SPATA33: variants seen among roughly 807,000 people sequenced by gnomAD.
SPATA33 encodes spermatogenesis associated 33, also known as spermatogenesis-associated protein 33.
In SPATA33, 10 loss-of-function variants were observed where a neutral mutation model predicts 8.9. The observed-to-expected ratio is 1.12, with a 90% CI of 0.69 to 1.90. The LOEUF is 1.90. Ranked by LOEUF, SPATA33 falls within the 40% of genes most tolerant of loss-of-function variation. SPATA33 has a pLI of 0.00. For missense variants in SPATA33, 241 were observed against 178.3 expected (o/e 1.35, Z -2.00); for synonymous variants, 96 against 72.8 (o/e 1.32, Z -1.63).
At chr16:89,668,668 G>T (rs1299164080) in intron 2 of SPATA33, among the ~76,000 whole-genome samples, 1 of 151,920 alleles carries the variant, frequency 6.6e-6, no homozygotes, top group Non-Finnish European at 1.5e-5. Context: ...CTCCACGAAG[G>T]GGGTGGGCGG....
intron 2 of SPATA33, chr16:89,660,723 C>A: frequency 2.6e-6 from 2 of 759,454 alleles, no homozygotes; most frequent in Non-Finnish European, 3.6e-6. Context: ...GGTTGCTGGG[C>A]AGAAATGGGA....
At chr16:89,662,446 C>T (rs1378519224) in intron 2 of SPATA33, among the ~76,000 whole-genome samples, 18 of 147,186 alleles carry the variant, frequency 1.2e-4, no homozygotes, top group Non-Finnish European at 1.3e-4. Context: ...AATGGAGTTT[C>T]CTTCTTGTTG....
chr16:89,661,564 T>C (rs1022465264), intron 2 of SPATA33: 5 of 152,210 alleles, frequency 3.3e-5, no homozygotes. Flanking sequence ...TACAGATAGA[T>C]GTATTATACT....
In SPATA33 at chr16:89,669,279, C is replaced by A. The variant is rs764196545; in HGVS notation, c.212-7C>A. 1.2e-6 allele frequency: 2 copies of A among 1,613,860 alleles called. No individual in the cohort carries two copies. The highest frequency in any genetic ancestry group is 2.2e-5 in the East Asian group (1 of 44,896). On this transcript the variant is annotated splice_region_variant and splice_polypyrimidine_tract_variant and intron_variant, in intron 2 of 2. Transcript: ENST00000579310. ...TCTACTAAATGCCTGGATGTTTTTT[C>A]CTCTAGAGAAACCTGATGTAAAGCA... is the stretch of plus-strand genomic sequence containing the variant.
At chr16:89,667,797 G>C (rs1034311686) in intron 2 of SPATA33, among the ~76,000 whole-genome samples, 1 of 152,240 alleles carries the variant, frequency 6.6e-6, no homozygotes, top group African/African-American at 2.4e-5. Context: ...CGTCTGACTA[G>C]CCTTAGGCAG....
intron 2 of SPATA33, among the ~76,000 whole-genome samples, chr16:89,666,943 C>T (rs2060034132): frequency 1.3e-5 from 2 of 152,188 alleles, no homozygotes; most frequent in Admixed American, 1.3e-4. Flanking sequence ...CAGGATGGAA[C>T]ATGAAGGTGG....
chr16:89,658,294 G>A lies in SPATA33; in HGVS notation c.84G>A (p.Lys28=). 1 of 1,614,182 alleles carries A rather than the reference G, an allele frequency of 6.2e-7. No individual in the cohort carries two copies. The highest frequency in any genetic ancestry group is 8.5e-7 in the Non-Finnish European group (1 of 1,180,042). Residue 28 remains lysine (K), a synonymous_variant, in exon 2 of 3, where the codon AAG becomes AAA. Transcript: ENST00000579310. ...KGSTYSVPKS[K]EKLMEKHSQE... is the part of the protein sequence containing the mutation. Reference sequence around the variant, plus strand: ...CCACCTATTCAGTTCCAAAATCTAAGGAGAAGTTGATGGAGAAGCATTCCC... The same window carrying A: ...CCACCTATTCAGTTCCAAAATCTAAAGAGAAGTTGATGGAGAAGCATTCCC...
chr16:89,658,077 G>C, intron 1 of SPATA33, 129 bp downstream of exon 1: 1 of 1,472,608 alleles, frequency 6.8e-7, no homozygotes, highest in Non-Finnish European at 8.9e-7. Flanking sequence ...CGTTCCTGCC[G>C]CCGAGTCCGC....
chr16:89,660,368 C>T (rs2059950327), intron 2 of SPATA33: 2 of 810,340 alleles, frequency 2.5e-6, no homozygotes, highest in Non-Finnish European at 3.3e-6. Context: ...GTGGGCAGGA[C>T]CTCTGCCAGT....
At chr16:89,664,943 T>A (rs1247917367) in intron 2 of SPATA33, among the ~76,000 whole-genome samples, 1 of 152,192 alleles carries the variant, frequency 6.6e-6, no homozygotes, top group African/African-American at 2.4e-5. Context: ...GGTGGTGATT[T>A]GTTGTGCAGC....
chr16:89,665,557 G>A (rs913735250), intron 2 of SPATA33, among the ~76,000 whole-genome samples: 4 of 150,654 alleles, frequency 2.7e-5, no homozygotes, highest in African/African-American at 4.9e-5. Context: ...CTCGTGATCC[G>A]CCCGCATCGG....
At chr16:89,662,293 C>CA (rs34420644) in intron 2 of SPATA33, among the ~76,000 whole-genome samples, 68,026 of 141,594 alleles carry the variant, frequency 0.48, 16,342 homozygotes, top group South Asian at 0.61. Flanking sequence ...GACTCCATCT[C>CA]AAAAAAAAAA....
intron 2 of SPATA33, among the ~76,000 whole-genome samples, chr16:89,664,368 G>A (rs972900996): frequency 1.3e-5 from 2 of 152,074 alleles, no homozygotes; most frequent in Admixed American, 6.6e-5. Flanking sequence ...CAGCCCACAC[G>A]ATCCCTGCCC....
At chr16:89,658,742 C>T in intron 2 of SPATA33, 1 of 401,044 alleles carries the variant, frequency 2.5e-6, no homozygotes, top group Non-Finnish European at 4.7e-6. Flanking sequence ...CTGAGAATCC[C>T]TGAGCCTCCG....
intron 2 of SPATA33, among the ~76,000 whole-genome samples, chr16:89,665,397 C>T (rs879756322): frequency 2.0e-5 from 3 of 152,064 alleles, no homozygotes; most frequent in Non-Finnish European, 2.9e-5. Context: ...CTCCGCCTCC[C>T]GGGTTCATGC....
intron 2 of SPATA33, among the ~76,000 whole-genome samples, chr16:89,665,939 G>A (rs191220193): frequency 9.3e-4 from 141 of 152,188 alleles, no homozygotes; most frequent in Middle Eastern, 6.8e-3. Context: ...AATTAGCTAG[G>A]CGTGGTGATG....
intron 2 of SPATA33, among the ~76,000 whole-genome samples, chr16:89,666,191 A>G (rs947626096): frequency 2.0e-5 from 3 of 152,154 alleles, no homozygotes; most frequent in African/African-American, 7.2e-5. Context: ...AAAAAAAGCC[A>G]GATATGGTGA....
At chr16:89,660,529 T>C in intron 2 of SPATA33, 1 of 1,231,732 alleles carries the variant, frequency 8.1e-7, no homozygotes. Context: ...GTGTGCACGC[T>C]CTCCATGCAG....
rs2059950762 is a variant in SPATA33, at chr16:89,660,383, G to A, written c.211+1962G>A. 6.1e-6 allele frequency: 6 copies of A among 984,762 alleles called. No homozygotes were observed. The East Asian group carries it at 2.0e-4, about 32-fold the overall frequency. 61.0% of individuals were successfully genotyped at this position (984,762 alleles called of 1,614,324 possible). A position where few individuals can be genotyped will look rare whatever the true frequency, so the allele number is the denominator to read the frequency against. On this transcript the variant is annotated intron_variant, in intron 2 of 2. Coordinates refer to ENST00000579310, the MANE Select transcript of SPATA33 (RefSeq NM_001271907.2). Reference sequence around the variant, plus strand: ...GTGGGCAGGACCTCTGCCAGTAACGGAAGTGGGGGAAGGAGGACCGCCTGT... The same window carrying A: ...GTGGGCAGGACCTCTGCCAGTAACGAAAGTGGGGGAAGGAGGACCGCCTGT...
Sources: gnomAD v4.1 joint callset for allele counts (sites outside exome capture counted in the v4.1 genomes callset) on GRCh38, gnomAD v4.1.1 for gene constraint, MANE v1.5 for transcripts, NCBI Gene and HGNC (gene_info 2026-07-23, HGNC 2026-07-21) for gene names.